Variants in SEPTIN9 observed in about 807,000 individuals in gnomAD.
The protein encoded by SEPTIN9 is septin-9.
Under a neutral mutation model 56.6 loss-of-function variants are expected in SEPTIN9, and 13 were observed. That is an observed-to-expected ratio of 0.23 (90% confidence interval 0.15 to 0.37). The LOEUF is 0.37. Among genes scored for constraint, SEPTIN9 ranks in the 10% least tolerant of loss-of-function variants. The pLI is 1.00. For synonymous variants in SEPTIN9, 332 were observed against 334.1 expected (o/e 0.99, Z 0.07); for missense variants, 650 against 823.1 (o/e 0.79, Z 2.57).
At chr17:77,295,738 G>A (rs1168842191) in intron 1 of SEPTIN9, among the ~76,000 whole-genome samples, 1 of 150,984 alleles carries the variant, frequency 6.6e-6, no homozygotes, top group Non-Finnish European at 1.5e-5. Flanking sequence ...TCACTTCCCT[G>A]CTGTTAGACA....
rs954557795 is a variant in SEPTIN9, at chr17:77,310,017, C to T, written c.76+2820C>T. On this transcript the variant is annotated intron_variant, in intron 2 of 11. Transcript: ENST00000427177. This position sits in a 1 kb window ranked among gnomAD's most constrained non-coding sequence, Gnocchi z 4.7. Reference sequence around the variant, plus strand: ...TTTTTGAGATAGAGTCTCGCTCTATCGCCCAGGCTGGAGTGCAGTGGCACC... The same window carrying T: ...TTTTTGAGATAGAGTCTCGCTCTATTGCCCAGGCTGGAGTGCAGTGGCACC... Among the ~76,000 whole-genome samples, 4 of 151,350 alleles carry T rather than the reference C, an allele frequency of 2.6e-5. No homozygotes were observed. Among genetic ancestry groups the T allele is most frequent in the Admixed American group, 6.6e-5 (1 of 15,200 alleles).
intron 2 of SEPTIN9, among the ~76,000 whole-genome samples, chr17:77,354,785 G>A (rs1048673069): frequency 1.4e-4 from 22 of 152,110 alleles, no homozygotes; most frequent in African/African-American, 5.3e-4. Context: ...GGAGGGCGGT[G>A]CAATCGTGAC....
In SEPTIN9 at chr17:77,429,665, G is replaced by A. The variant is rs2037054826; in HGVS notation, c.721+26962G>A. 6.6e-6 allele frequency among the ~76,000 whole-genome samples: 1 copy of A among 152,116 alleles called. No individual in the cohort carries two copies. Among genetic ancestry groups the A allele is most frequent in the African/African-American group, 2.4e-5 (1 of 41,406 alleles). ...TGGGGATAATGAGCTGGAGGGTGCT[G>A]GGCAGGAGCTGGCCAGTAATAGGCT... On this transcript the variant is annotated intron_variant, in intron 3 of 11. Coordinates refer to ENST00000427177, the MANE Select transcript of SEPTIN9 (RefSeq NM_001113491.2). This position sits in a 1 kb window ranked among gnomAD's most constrained non-coding sequence, Gnocchi z 5.2.
chr17:77,334,493 T>C (rs1267616992), intron 2 of SEPTIN9, among the ~76,000 whole-genome samples: 1 of 151,916 alleles, frequency 6.6e-6, no homozygotes, highest in African/African-American at 2.4e-5. Context: ...CTTTATCAGA[T>C]ATATGTATCA....
At position 77,475,931 on chromosome 17, in the gene SEPTIN9, C is replaced by T. The variant is rs748107940; in HGVS notation, c.722-6213C>T. Reference sequence around the variant, plus strand: ...GTGTGGGGATGTGGCCATTTCGGTCCGTGCTCTGAGAGCCAGGTGTGGGTT... The same window carrying T: ...GTGTGGGGATGTGGCCATTTCGGTCTGTGCTCTGAGAGCCAGGTGTGGGTT... On this transcript the variant is annotated intron_variant, in intron 3 of 11. Transcript: ENST00000427177. The surrounding 1 kb of genome is among the most constrained non-coding windows in gnomAD (Gnocchi z 4.6). 76 of 1,591,084 alleles carry T rather than the reference C, an allele frequency of 4.8e-5. No individual in the cohort carries two copies. The highest frequency in any genetic ancestry group is 3.4e-4 in the Middle Eastern group (2 of 5,956).
rs753009286 is a variant in SEPTIN9, at chr17:77,482,256, C to G, written c.834C>G (p.Tyr278Ter). ...AGAAGGCCCCGGTGGACTTCGGCTA[C>G]GTGGGGATTGACTCCATCCTGGAGC... ...RNEKAPVDFG[Y>*]VGIDSILEQM... The change falls in exon 4 of 12, where the codon TAC becomes TAG. Residue 278 changes from tyrosine (Y) to a stop codon, truncating the protein, a stop_gained. Coordinates refer to ENST00000427177, the MANE Select transcript of SEPTIN9 (RefSeq NM_001113491.2). LOFTEE classifies it high-confidence loss of function. 1 of 1,613,198 alleles carries G rather than the reference C, an allele frequency of 6.2e-7. No individual in the cohort carries two copies.
intron 3 of SEPTIN9, chr17:77,428,908 G>T (rs62077377): frequency 2.4e-6 from 1 of 423,382 alleles, no homozygotes; most frequent in Non-Finnish European, 5.1e-6. Context: ...GTAAATTGGG[G>T]ACAAATTTGG....
At chr17:77,419,180 C>T (rs563242373) in intron 3 of SEPTIN9, among the ~76,000 whole-genome samples, 4 of 152,356 alleles carry the variant, frequency 2.6e-5, no homozygotes, top group South Asian at 4.1e-4. Flanking sequence ...GCTGTTTGAA[C>T]GGAGGTGGTC....
chr17:77,282,335 C>G (rs1215169279), intron 1 of SEPTIN9, among the ~76,000 whole-genome samples: 1 of 152,038 alleles, frequency 6.6e-6, no homozygotes, highest in Non-Finnish European at 1.5e-5. Flanking sequence ...TCCAAAGGAT[C>G]CAGGCAGGCA....
intron 3 of SEPTIN9, among the ~76,000 whole-genome samples, chr17:77,461,047 C>G (rs312847): frequency 0.095 from 14,394 of 152,078 alleles, 1,715 homozygotes; most frequent in African/African-American, 0.28. Flanking sequence ...GCTCACACCT[C>G]TAATCCCAGC....
At chr17:77,458,161 C>T (rs530855277) in intron 3 of SEPTIN9, among the ~76,000 whole-genome samples, 75 of 152,346 alleles carry the variant, frequency 4.9e-4, no homozygotes, top group Admixed American at 1.1e-3. Flanking sequence ...GAAGCCTACC[C>T]ACCATAGTCG....
intron 3 of SEPTIN9, among the ~76,000 whole-genome samples, chr17:77,416,269 G>A (rs541677880): frequency 7.9e-5 from 12 of 152,334 alleles, no homozygotes; most frequent in Admixed American, 7.8e-4. Flanking sequence ...TGCAGAGCTT[G>A]TGGTACCTGA....
chr17:77,341,644 G>T (rs543301778), intron 2 of SEPTIN9, among the ~76,000 whole-genome samples: 27 of 152,090 alleles, frequency 1.8e-4, no homozygotes, highest in African/African-American at 6.5e-4. Flanking sequence ...GCGTGGTGGC[G>T]GGTGCCTGTA....
chr17:77,365,224 G>A (rs931633303), intron 2 of SEPTIN9, among the ~76,000 whole-genome samples: 3 of 152,140 alleles, frequency 2.0e-5, no homozygotes, highest in African/African-American at 7.2e-5. Context: ...ATGCGCTCCT[G>A]TAGAAATCCA....
intron 3 of SEPTIN9, among the ~76,000 whole-genome samples, chr17:77,463,419 A>G (rs1211290801): frequency 6.6e-6 from 1 of 152,174 alleles, no homozygotes; most frequent in African/African-American, 2.4e-5. Context: ...ACCCCAAGAT[A>G]AATTTGCCGG....
intron 3 of SEPTIN9, among the ~76,000 whole-genome samples, chr17:77,481,407 C>T (rs1487215833): frequency 7.8e-6 from 1 of 127,960 alleles, no homozygotes; most frequent in Admixed American, 8.0e-5. Flanking sequence ...GCAGGGGCCC[C>T]CCTCCTCCAT....
rs1316693230 is a variant in SEPTIN9 at position 77,498,877 on chromosome 17, C to T, written c.*219C>T. ...AGGTTGTGGGGAGGCTGCACTGGAG[C>T]CACAGGCAGGGGTGAGAGCACCCAC... On this transcript the variant is annotated 3_prime_UTR_variant, in exon 12 of 12. Coordinates refer to ENST00000427177, the MANE Select transcript of SEPTIN9 (RefSeq NM_001113491.2). 1.6e-6 allele frequency: 1 copy of T among 606,098 alleles called. No homozygotes were observed. Among genetic ancestry groups the T allele is most frequent in the Non-Finnish European group, 3.1e-6 (1 of 323,012 alleles). 37.5% of individuals were successfully genotyped at this position (606,098 alleles called of 1,614,324 possible). A position where few individuals can be genotyped will look rare whatever the true frequency, so the allele number is the denominator to read the frequency against.
chr17:77,367,551 C>T lies in SEPTIN9; in HGVS notation c.77-34508C>T, dbSNP rs1174861304. Among the ~76,000 whole-genome samples, 1 of 152,086 alleles carries T rather than the reference C, an allele frequency of 6.6e-6. No individual in the cohort carries two copies. The highest frequency in any genetic ancestry group is 1.5e-5 in the Non-Finnish European group (1 of 68,028). On this transcript the variant is annotated intron_variant, in intron 2 of 11. Coordinates refer to ENST00000427177, the MANE Select transcript of SEPTIN9 (RefSeq NM_001113491.2). The surrounding 1 kb of genome is among the most constrained non-coding windows in gnomAD (Gnocchi z 4.5). ...AAAGTGATGGCTGGGCGCAGTGGCT[C>T]ACGTCTGTAATCCCAGCACTTTGGG...
intron 2 of SEPTIN9, among the ~76,000 whole-genome samples, chr17:77,366,084 C>T (rs2034562294): frequency 1.3e-5 from 2 of 152,114 alleles, no homozygotes; most frequent in Non-Finnish European, 2.9e-5. Context: ...CCTCCTGGTA[C>T]CCTGGGGGTG....
Sources: allele counts gnomAD v4.1 joint callset (sites outside exome capture counted in the v4.1 genomes callset), GRCh38; gene constraint gnomAD v4.1.1; non-coding constraint Gnocchi (gnomAD v3.1); transcripts MANE v1.5; gene names NCBI Gene and HGNC (gene_info 2026-07-23, HGNC 2026-07-21).